Variants in KPNA1 observed in about 807,000 individuals in gnomAD.
KPNA1 encodes importin subunit alpha-5.
In KPNA1, 10 loss-of-function variants were observed where a neutral mutation model predicts 70.5. The ratio of observed to expected loss-of-function variants is 0.14; its 90% confidence interval spans 0.09 to 0.24. The LOEUF is 0.24. KPNA1 is among the 10% of genes least tolerant of loss of function. The pLI, the probability that KPNA1 is intolerant of heterozygous loss-of-function variation, is 1.00. For synonymous variants in KPNA1, 192 were observed against 221.9 expected, an observed-to-expected ratio of 0.87 and a Z score of 1.20; for missense variants, 397 against 637.9, an observed-to-expected ratio of 0.62 and a Z score of 4.07.
chr3:122,457,213 A>AT (rs1254809985), intron 5 of KPNA1, among the ~76,000 whole-genome samples: 1 of 152,144 alleles, frequency 6.6e-6, no homozygotes, highest in Non-Finnish European at 1.5e-5. Flanking sequence ...TTTGCCATCT[A>AT]TTTTTTTGTT....
rs980803143 is a variant in KPNA1 at position 122,429,459 on chromosome 3, A to G, written c.1251-1743T>C. ...GAAACTCTGTCTCAAAAAAAAAAAA[A>G]AAAAAAAAAAGAATCTCATTTACAT... is the stretch of plus-strand genomic sequence containing the variant. On this transcript the variant is annotated intron_variant, in intron 12 of 13. Transcript: ENST00000344337. Among the ~76,000 whole-genome samples, 3 of 151,214 alleles carry G rather than the reference A, an allele frequency of 2.0e-5. No individual in the cohort carries two copies. The South Asian group carries it at 6.2e-4, about 31-fold the overall frequency.
At chr3:122,497,728 G>C (rs1163559045) in intron 1 of KPNA1, among the ~76,000 whole-genome samples, 1 of 152,160 alleles carries the variant, frequency 6.6e-6, no homozygotes, top group Non-Finnish European at 1.5e-5. Flanking sequence ...CCATTAAAAT[G>C]AAGTCTATTC....
At chr3:122,482,020 A>T (rs2076576661) in intron 2 of KPNA1, among the ~76,000 whole-genome samples, 1 of 152,352 alleles carries the variant, frequency 6.6e-6, no homozygotes, top group South Asian at 2.1e-4. Flanking sequence ...TTAAAAAGAG[A>T]GAGAACTTCC....
At chr3:122,499,798 T>C (rs1479720241) in intron 1 of KPNA1, among the ~76,000 whole-genome samples, 1 of 152,112 alleles carries the variant, frequency 6.6e-6, no homozygotes, top group Non-Finnish European at 1.5e-5. Context: ...TATATTTTCT[T>C]GTGATGTCTT....
chr3:122,486,998 C>G (rs1259074343), intron 2 of KPNA1, among the ~76,000 whole-genome samples: 1 of 152,130 alleles, frequency 6.6e-6, no homozygotes, highest in Admixed American at 6.6e-5. Flanking sequence ...TGAACTGTAG[C>G]TAAGGGAAAG....
intron 9 of KPNA1, among the ~76,000 whole-genome samples, chr3:122,443,640 C>T (rs905207378): frequency 1.3e-5 from 2 of 152,178 alleles, no homozygotes; most frequent in African/African-American, 4.8e-5. Context: ...AGAAATTTTA[C>T]ACCTGAGTCT....
intron 2 of KPNA1, among the ~76,000 whole-genome samples, chr3:122,480,562 C>T (rs2076559635): frequency 6.6e-6 from 1 of 151,906 alleles, no homozygotes; most frequent in African/African-American, 2.4e-5. Context: ...AAGGATGTTC[C>T]TTAGATAGAA....
At chr3:122,452,421 A>C (rs566010037) in intron 6 of KPNA1, among the ~76,000 whole-genome samples, 19 of 150,638 alleles carry the variant, frequency 1.3e-4, no homozygotes, top group African/African-American at 4.4e-4. Context: ...AGGCATGAGA[A>C]CTGCTTGAAC....
At chr3:122,453,800 G>T in intron 6 of KPNA1, 70 bp downstream of exon 6, 2 of 1,466,506 alleles carry the variant, frequency 1.4e-6, no homozygotes, top group Admixed American at 2.2e-5. Flanking sequence ...AAAATGTTGG[G>T]ATTACAGGAG....
At chr3:122,465,677 G>A (rs2076372084) in intron 3 of KPNA1, among the ~76,000 whole-genome samples, 1 of 152,194 alleles carries the variant, frequency 6.6e-6, no homozygotes, top group Admixed American at 6.5e-5. Flanking sequence ...CAAGGCGGGT[G>A]GATCACGAGG....
intron 9 of KPNA1, among the ~76,000 whole-genome samples, chr3:122,444,759 A>G (rs996973603): frequency 1.3e-5 from 2 of 152,238 alleles, no homozygotes; most frequent in Admixed American, 1.3e-4. Flanking sequence ...CCAGGAAAAC[A>G]GGGTCTGGAG....
chr3:122,476,494 A>G (rs1218546189), intron 2 of KPNA1, among the ~76,000 whole-genome samples: 1 of 152,170 alleles, frequency 6.6e-6, no homozygotes, highest in East Asian at 1.9e-4. Flanking sequence ...TATGCAACAG[A>G]AGAAAATATT....
chr3:122,469,459 TAC>T (rs1478043222), intron 2 of KPNA1, among the ~76,000 whole-genome samples: 5 of 152,240 alleles, frequency 3.3e-5, no homozygotes, highest in African/African-American at 9.6e-5. Flanking sequence ...TTTAGATGAA[TAC>T]ACACTTACAC....
At chr3:122,454,111 C>A (rs957231582) in intron 5 of KPNA1, 110 bp from the exon 6 acceptor site, 1 of 696,072 alleles carries the variant, frequency 1.4e-6, no homozygotes, top group Admixed American at 3.1e-5. Context: ...TCATTATTTG[C>A]ACATAACCTA....
At chr3:122,433,342 A>G (rs1233561225) in intron 12 of KPNA1, 9 of 223,410 alleles carry the variant, frequency 4.0e-5, no homozygotes. Flanking sequence ...TCTGACAAGT[A>G]GCTCCAGAGT....
intron 1 of KPNA1, among the ~76,000 whole-genome samples, chr3:122,508,399 CAGA>C (rs1351182850): frequency 1.3e-5 from 2 of 152,146 alleles, no homozygotes; most frequent in Non-Finnish European, 2.9e-5. Context: ...GGCTCAAAAT[CAGA>C]AGGTTTGTTG....
chr3:122,498,556 T>A (rs377006520), intron 1 of KPNA1, among the ~76,000 whole-genome samples: 1 of 152,252 alleles, frequency 6.6e-6, no homozygotes, highest in African/African-American at 2.4e-5. Context: ...CAGCTGACTA[T>A]ATACATATAT....
intron 2 of KPNA1, among the ~76,000 whole-genome samples, chr3:122,495,523 T>A (rs2076749268): frequency 1.3e-5 from 2 of 152,144 alleles, no homozygotes. Context: ...ACTGAGGTTG[T>A]AATGTACTGT....
intron 4 of KPNA1, among the ~76,000 whole-genome samples, chr3:122,462,718 AT>A (rs906498860): frequency 1.3e-5 from 2 of 152,068 alleles, no homozygotes; most frequent in Non-Finnish European, 2.9e-5. Flanking sequence ...AAAAGACAAT[AT>A]TTTTTTGTCA....
Sources: allele counts gnomAD v4.1 joint callset (sites outside exome capture counted in the v4.1 genomes callset), GRCh38; gene constraint gnomAD v4.1.1; transcripts MANE v1.5; gene names NCBI Gene and HGNC (gene_info 2026-07-23, HGNC 2026-07-21).